ZNF700: variants seen among roughly 807,000 people sequenced by gnomAD.
ZNF700 encodes the protein zinc finger protein 700.
Under a neutral mutation model 65.3 loss-of-function variants are expected in ZNF700, and 38 were observed. The ratio of observed to expected loss-of-function variants is 0.58; its 90% CI spans 0.45 to 0.76. ZNF700 has a LOEUF of 0.76. ZNF700 is among the 30% of genes least tolerant of loss of function. The probability of loss-of-function intolerance (pLI) is 0.00; values close to 1 mark genes in which losing one functional copy is unlikely to be tolerated. For missense variants in ZNF700, 857 were observed against 888.4 expected (o/e 0.96, Z 0.45); for synonymous variants, 285 against 290.4 (o/e 0.98, Z 0.19).
At chr19:11,943,245 GT>G (rs1972912298) in intron 1 of ZNF700, among the ~76,000 whole-genome samples, 2 of 152,162 alleles carry the variant, frequency 1.3e-5, no homozygotes, top group African/African-American at 4.8e-5. Context: ...CCTTAACTAT[GT>G]TTTTGACTAC....
chr19:11,932,971 C>G (rs1229825985), intron 1 of ZNF700, among the ~76,000 whole-genome samples: 1 of 148,514 alleles, frequency 6.7e-6, no homozygotes, highest in Non-Finnish European at 1.5e-5. Flanking sequence ...TTTATTTAAA[C>G]TCAGTTATGA....
intron 1 of ZNF700, among the ~76,000 whole-genome samples, chr19:11,932,558 T>C (rs1452645652): frequency 6.8e-6 from 1 of 148,130 alleles, no homozygotes; most frequent in Non-Finnish European, 1.5e-5. Context: ...TACTTTTCTT[T>C]ATACTTCCCC....
chr19:11,940,844 G>C (rs1032855156), intron 1 of ZNF700, among the ~76,000 whole-genome samples: 1 of 152,026 alleles, frequency 6.6e-6, no homozygotes, highest in Non-Finnish European at 1.5e-5. Context: ...CCCCAGATTA[G>C]CTAGATACAG....
Position 11,949,163 on chromosome 19 carries a change from A to T in ZNF700, c.1139A>T (p.His380Leu), listed in dbSNP as rs753052993. Residue 380 changes from histidine (H) to leucine (L), a missense_variant, in exon 4 of 4, where the codon CAT (histidine) becomes CTT (leucine). His to Leu is a moderately conservative substitution (Grantham distance 99). Around this residue, in one of 3 missense-constraint regions of ZNF700, gnomAD observed 603 missense variants for 619.9 expected, o/e 0.97. Coordinates refer to ENST00000254321, the MANE Select transcript of ZNF700 (RefSeq NM_144566.3). ...TATTCTGCCAAGTCATTTCAAACAC[A>T]TGAAAAAACTCACACTGGAGAGAAA... ...GFYSAKSFQTHEKTHTGEKRY... is the reference protein window; with the variant it reads ...GFYSAKSFQTLEKTHTGEKRY... 6.2e-7 allele frequency: 1 copy of T among 1,612,900 alleles called. No homozygotes were observed. Among genetic ancestry groups the T allele is most frequent in the Non-Finnish European group, 8.5e-7 (1 of 1,179,764 alleles).
At chr19:11,935,791 T>A (rs1972786405) in intron 1 of ZNF700, among the ~76,000 whole-genome samples, 1 of 152,204 alleles carries the variant, frequency 6.6e-6, no homozygotes, top group Non-Finnish European at 1.5e-5. Flanking sequence ...ATGTGCCGTG[T>A]TGGTTTGTTG....
At chr19:11,925,557 G>A (rs1972613587) in intron 1 of ZNF700, among the ~76,000 whole-genome samples, 1 of 152,206 alleles carries the variant, frequency 6.6e-6, no homozygotes. Flanking sequence ...CGTCTCCCCA[G>A]ATTGTGCGGA....
At chr19:11,939,622 G>A (rs922075662) in intron 1 of ZNF700, among the ~76,000 whole-genome samples, 1 of 152,068 alleles carries the variant, frequency 6.6e-6, no homozygotes, top group Non-Finnish European at 1.5e-5. Context: ...TGTTGCGCCT[G>A]GCTAATTTTT....
At chr19:11,928,106 C>G (rs1972659479) in intron 1 of ZNF700, among the ~76,000 whole-genome samples, 2 of 152,044 alleles carry the variant, frequency 1.3e-5, no homozygotes, top group South Asian at 4.1e-4. Context: ...AGCACCTCCG[C>G]CTCTCAAGTA....
intron 1 of ZNF700, among the ~76,000 whole-genome samples, chr19:11,935,244 T>G (rs1346844011): frequency 1.4e-5 from 2 of 141,422 alleles, no homozygotes; most frequent in African/African-American, 2.7e-5. Flanking sequence ...TTTTTTTTTT[T>G]TTTTTTTTTT....
chr19:11,935,581 C>T (rs1362355512), intron 1 of ZNF700, among the ~76,000 whole-genome samples: 1 of 151,892 alleles, frequency 6.6e-6, no homozygotes, highest in Non-Finnish European at 1.5e-5. Context: ...AATTTTAGGA[C>T]TTCTTCATAC....
intron 1 of ZNF700, among the ~76,000 whole-genome samples, chr19:11,945,595 C>A (rs532736864): frequency 2.6e-5 from 4 of 151,982 alleles, no homozygotes; most frequent in Non-Finnish European, 4.4e-5. Flanking sequence ...TCTGTAGGTA[C>A]GGGGGTTTGG....
chr19:11,930,520 A>G (rs1972697781), intron 1 of ZNF700, among the ~76,000 whole-genome samples: 1 of 148,636 alleles, frequency 6.7e-6, no homozygotes, highest in Non-Finnish European at 1.5e-5. Context: ...AAGGTAACAT[A>G]TCAATATAAG....
chr19:11,944,857 T>C (rs2145296260), intron 1 of ZNF700, among the ~76,000 whole-genome samples: 1 of 152,330 alleles, frequency 6.6e-6, no homozygotes, highest in South Asian at 2.1e-4. Context: ...TTAACAACTT[T>C]TGAAGTGACT....
At position 11,949,668 on chromosome 19, in the gene ZNF700, C is replaced by T. The variant is rs563100804; in HGVS notation, c.1644C>T (p.Cys548=). The change falls in exon 4 of 4, where the codon TGC becomes TGT. Residue 548 remains cysteine, a synonymous_variant. Transcript: ENST00000254321. ...AATGTGGTAAAGCCTTCAGATGTTG[C>T]AATTCCCTTCGATATCATGAAAGGA... The part of the protein sequence containing the change: ...CNQCGKAFRC[C]NSLRYHERTH... 376 of 1,613,924 alleles carry T rather than the reference C, an allele frequency of 2.3e-4. 6 individuals are homozygous for T. In the South Asian group the frequency reaches 3.8e-3, roughly 16 times the overall value.
At position 11,949,593 on chromosome 19, in the gene ZNF700, T is replaced by A; in HGVS notation, c.1569T>A (p.Phe523Leu). ...CEKGFYSAKS[F>L]QTHEKTHTGE... ...AAGGCTTTTATTCTGCCAAGTCATT[T>A]CAAACACATGAAAAAACTCACACTG... The change falls in exon 4 of 4, where the codon TTT becomes TTA. Residue 523 changes from phenylalanine (F) to leucine (L), a missense_variant. Around this residue, in one of 3 missense-constraint regions of ZNF700, gnomAD observed 3 missense variants for 18.1 expected, o/e 0.17. Coordinates refer to ENST00000254321, the MANE Select transcript of ZNF700 (RefSeq NM_144566.3). 5 of 1,613,226 alleles carry A rather than the reference T, an allele frequency of 3.1e-6. No individual in the cohort carries two copies. Among genetic ancestry groups the A allele is most frequent in the Non-Finnish European group, 4.2e-6 (5 of 1,179,866 alleles).
chr19:11,947,455 A>G, intron 2 of ZNF700, 59 bp from the exon 3 acceptor site: 1 of 1,602,150 alleles, frequency 6.2e-7, no homozygotes, highest in Non-Finnish European at 8.5e-7. Flanking sequence ...CACAGAATCT[A>G]ATAATTTTTT....
intron 1 of ZNF700, among the ~76,000 whole-genome samples, chr19:11,941,539 G>T (rs944086556): frequency 6.6e-5 from 10 of 152,214 alleles, no homozygotes; most frequent in African/African-American, 2.2e-4. Flanking sequence ...GCTGGCCCAG[G>T]TGCTAAGCCC....
chr19:11,940,961 A>G (rs1353167319), intron 1 of ZNF700, among the ~76,000 whole-genome samples: 113 of 136,556 alleles, frequency 8.3e-4, no homozygotes, highest in Middle Eastern at 4.6e-3. Flanking sequence ...TGATTGGTGT[A>G]TTTACAAACC....
intron 1 of ZNF700, among the ~76,000 whole-genome samples, chr19:11,941,330 G>A (rs1032890695): frequency 1.3e-5 from 2 of 152,266 alleles, no homozygotes; most frequent in African/African-American, 4.8e-5. Flanking sequence ...ATGGGACTGG[G>A]TGCTGTGGAG....
Sources: gnomAD v4.1 joint callset for allele counts (sites outside exome capture counted in the v4.1 genomes callset) on GRCh38, gnomAD v4.1.1 for gene constraint, gnomAD v4.1.1 regional missense constraint, MANE v1.5 for transcripts, NCBI Gene and HGNC (gene_info 2026-07-23, HGNC 2026-07-21) for gene names.